The following VEPH1 variants were observed in gnomAD, a reference collection of about 807,000 sequenced individuals.
The protein encoded by VEPH1 is ventricular zone-expressed PH domain-containing protein homolog 1.
A neutral mutation model predicts 85.2 loss-of-function variants in VEPH1; 80 were observed. The ratio of observed to expected loss-of-function variants is 0.94; its 90% confidence interval spans 0.78 to 1.13. VEPH1 has a LOEUF of 1.13. Among genes scored for constraint, VEPH1 ranks in the 50% most tolerant of loss-of-function variants. The pLI is 0.00. For synonymous variants in VEPH1, 297 were observed against 348.0 expected (o/e 0.85, Z 1.63); for missense variants, 955 against 980.5 (o/e 0.97, Z 0.35).
chr3:157,470,748 A>G lies in VEPH1; in HGVS notation c.139-219T>C, dbSNP rs542657723. 1.3e-5 allele frequency among the ~76,000 whole-genome samples: 2 copies of G among 152,232 alleles called. 1 individual carries two copies. The highest frequency in any genetic ancestry group is 4.2e-4 in the South Asian group (2 of 4,816). ...ATGCTAAAATGGAGCAGGTTCTACT[A>G]TCACCCTTAGACAGGGATCCCTGAG... On this transcript the variant is annotated intron_variant, in intron 2 of 13. Transcript: ENST00000362010.
chr3:157,465,689 C>G (rs1427441207), intron 3 of VEPH1, among the ~76,000 whole-genome samples: 2 of 152,162 alleles, frequency 1.3e-5, no homozygotes, highest in Non-Finnish European at 2.9e-5. Context: ...AGAGTTTAAA[C>G]CTTCATATTA....
chr3:157,380,253 TG>T (rs1304504404), intron 7 of VEPH1, among the ~76,000 whole-genome samples: 2 of 152,200 alleles, frequency 1.3e-5, no homozygotes, highest in Non-Finnish European at 2.9e-5. Flanking sequence ...TCACTTGATC[TG>T]GCTCATCTGC....
chr3:157,472,857 T>C (rs770522024), intron 2 of VEPH1, among the ~76,000 whole-genome samples: 21 of 152,152 alleles, frequency 1.4e-4, no homozygotes, highest in Non-Finnish European at 2.8e-4. Flanking sequence ...TGCTCTTTTT[T>C]ACGGTTGTGT....
intron 5 of VEPH1, among the ~76,000 whole-genome samples, chr3:157,416,694 G>A (rs890622162): frequency 2.0e-4 from 30 of 151,876 alleles, no homozygotes; most frequent in Non-Finnish European, 4.0e-4. Context: ...TTAAACTCCA[G>A]TGATACGTCC....
chr3:157,321,439 A>G (rs1721337803), intron 9 of VEPH1, among the ~76,000 whole-genome samples: 1 of 152,174 alleles, frequency 6.6e-6, no homozygotes, highest in African/African-American at 2.4e-5. Flanking sequence ...CTTACTTTGT[A>G]CCCAGATGTA....
At chr3:157,314,107 T>C (rs931345598) in intron 10 of VEPH1, among the ~76,000 whole-genome samples, 5 of 151,564 alleles carry the variant, frequency 3.3e-5, no homozygotes, top group African/African-American at 1.2e-4. Context: ...CTGAGGTGGG[T>C]GGATCACGAG....
At chr3:157,392,643 C>T (rs1729972775) in intron 6 of VEPH1, among the ~76,000 whole-genome samples, 1 of 152,030 alleles carries the variant, frequency 6.6e-6, no homozygotes, top group Non-Finnish European at 1.5e-5. Context: ...CAAAATATCT[C>T]ATAATGTTTT....
chr3:157,484,500 A>AG (rs1465695078), intron 2 of VEPH1, among the ~76,000 whole-genome samples: 1 of 152,218 alleles, frequency 6.6e-6, no homozygotes, highest in Non-Finnish European at 1.5e-5. Context: ...TCAGAAAACA[A>AG]GAACTTGGAT....
intron 3 of VEPH1, among the ~76,000 whole-genome samples, chr3:157,465,299 A>G (rs977086543): frequency 6.6e-6 from 1 of 152,226 alleles, no homozygotes; most frequent in African/African-American, 2.4e-5. Context: ...GAGACAGGAT[A>G]TTTAAAAAGT....
chr3:157,386,656 C>G (rs1372043677), intron 6 of VEPH1, among the ~76,000 whole-genome samples: 1 of 152,112 alleles, frequency 6.6e-6, no homozygotes, highest in Non-Finnish European at 1.5e-5. Context: ...ACCACACAAC[C>G]GAGAGTTGTT....
intron 12 of VEPH1, among the ~76,000 whole-genome samples, chr3:157,285,651 C>T (rs1259281555): frequency 1.3e-5 from 2 of 152,204 alleles, no homozygotes; most frequent in African/African-American, 4.8e-5. Flanking sequence ...TGAGAGCTCT[C>T]TCCTCTCAAA....
chr3:157,263,656 G>A (rs1713214306), intron 13 of VEPH1, among the ~76,000 whole-genome samples: 2 of 152,126 alleles, frequency 1.3e-5, no homozygotes, highest in African/African-American at 2.4e-5. Flanking sequence ...AAGTCCATCT[G>A]TATATGTTAT....
At chr3:157,280,433 GA>G (rs1201665147) in intron 12 of VEPH1, among the ~76,000 whole-genome samples, 4 of 152,198 alleles carry the variant, frequency 2.6e-5, no homozygotes, top group African/African-American at 4.8e-5. Context: ...TCTGTATCAA[GA>G]CAAGATTGTT....
At chr3:157,264,797 C>G (rs1713401400) in intron 13 of VEPH1, among the ~76,000 whole-genome samples, 1 of 152,024 alleles carries the variant, frequency 6.6e-6, no homozygotes, top group Non-Finnish European at 1.5e-5. Context: ...TCTAAAATAG[C>G]CAAGAAGTAG....
intron 4 of VEPH1, among the ~76,000 whole-genome samples, chr3:157,454,299 T>C (rs867854184): frequency 3.3e-5 from 5 of 152,176 alleles, no homozygotes; most frequent in Non-Finnish European, 7.4e-5. Flanking sequence ...CTGACTAGTA[T>C]TATTAATGAC....
intron 9 of VEPH1, among the ~76,000 whole-genome samples, chr3:157,319,546 A>G (rs912912896): frequency 6.6e-6 from 1 of 152,250 alleles, no homozygotes; most frequent in Non-Finnish European, 1.5e-5. Flanking sequence ...AAAAAATGGT[A>G]TTTGAAATAA....
At chr3:157,385,741 C>A (rs937211091) in intron 6 of VEPH1, among the ~76,000 whole-genome samples, 2 of 152,126 alleles carry the variant, frequency 1.3e-5, no homozygotes, top group Non-Finnish European at 2.9e-5. Flanking sequence ...TCTTCTTGGA[C>A]GCTACACCAA....
chr3:157,482,184 A>T (rs930783177), intron 2 of VEPH1, among the ~76,000 whole-genome samples: 5 of 151,856 alleles, frequency 3.3e-5, no homozygotes, highest in African/African-American at 1.2e-4. Flanking sequence ...GAATTTTAGA[A>T]TAGGTTTTCC....
rs1205290990 is a variant in VEPH1 at position 157,392,808 on chromosome 3, A to T, written c.907-11432T>A. On this transcript the variant is annotated intron_variant, in intron 6 of 13. Transcript: ENST00000362010. ...CTTTGAGCCTAAGCTTCATCTGTAG[A>T]TTGGAGCTAACAGTTCGGCGGCAGA... Among the ~76,000 whole-genome samples the T allele has an allele frequency of 2.6e-5, 4 of 152,206 alleles. No individual in the cohort carries two copies. In the South Asian group the frequency reaches 6.2e-4, roughly 24 times the overall value.
Sources: gnomAD v4.1 joint callset for allele counts (sites outside exome capture counted in the v4.1 genomes callset) on GRCh38, gnomAD v4.1.1 for gene constraint, MANE v1.5 for transcripts, NCBI Gene and HGNC (gene_info 2026-07-23, HGNC 2026-07-21) for gene names.